The following PLCL1 variants were observed in gnomAD, a reference collection of about 807,000 sequenced individuals.
PLCL1 encodes the protein phospholipase C like 1 (inactive).
Under a neutral mutation model 84.4 loss-of-function variants are expected in PLCL1, and 41 were observed. The observed-to-expected ratio is 0.49, with a 90% CI of 0.38 to 0.63. The LOEUF is 0.63. PLCL1 is among the 30% of genes least tolerant of loss of function. The pLI, the probability that PLCL1 is intolerant of heterozygous loss-of-function variation, is 0.00. For missense variants in PLCL1, 1,206 were observed against 1,367.8 expected (o/e 0.88, Z 1.87); for synonymous variants, 490 against 488.3 (o/e 1.00, Z -0.05).
chr2:197,939,412 C>CCA lies in PLCL1; in HGVS notation c.240+134076_240+134077dup, dbSNP rs1689112681. ...TTTCCATGGCTGCCATAACAAAGTA[C>CCA]CACAGTCTGGGTGACTTAAACGACA... On this transcript the variant is annotated intron_variant, in intron 1 of 5. Transcript: ENST00000428675. Among the ~76,000 whole-genome samples the CCA allele has an allele frequency of 3.9e-5, 6 of 152,292 alleles. No homozygotes were observed. In the South Asian group the frequency reaches 1.2e-3, roughly 32 times the overall value.
At chr2:197,836,227 C>T (rs1691184071) in intron 1 of PLCL1, among the ~76,000 whole-genome samples, 1 of 151,852 alleles carries the variant, frequency 6.6e-6, no homozygotes, top group Non-Finnish European at 1.5e-5. Flanking sequence ...GGGCGGATCA[C>T]GAGGTCAGGA....
intron 1 of PLCL1, among the ~76,000 whole-genome samples, chr2:198,057,246 G>A (rs973990972): frequency 1.3e-5 from 2 of 152,082 alleles, no homozygotes; most frequent in African/African-American, 4.8e-5. Context: ...TAATGGAGAG[G>A]TTCATAATGA....
At chr2:197,986,436 C>T (rs1690218977) in intron 1 of PLCL1, among the ~76,000 whole-genome samples, 1 of 152,188 alleles carries the variant, frequency 6.6e-6, no homozygotes, top group South Asian at 2.1e-4. Flanking sequence ...ACTGCAGTCT[C>T]AGACTCCTGT....
intron 1 of PLCL1, among the ~76,000 whole-genome samples, chr2:197,980,521 C>G (rs1690081571): frequency 6.6e-6 from 1 of 152,146 alleles, no homozygotes; most frequent in African/African-American, 2.4e-5. Flanking sequence ...CTGCTTTGCA[C>G]ATAAAAATTT....
At position 198,084,231 on chromosome 2, in the gene PLCL1, A is replaced by G. The variant is rs1049142893; in HGVS notation, c.714A>G (p.Thr238=). ...PLDFMEGNQN[T]PRFMWLKTVF... Reference sequence around the variant, plus strand: ...ATTTTATGGAGGGCAACCAGAACACACCACGGTTCATGTGGTTGAAAACAG... The same window carrying G: ...ATTTTATGGAGGGCAACCAGAACACGCCACGGTTCATGTGGTTGAAAACAG... The change falls in exon 2 of 6, where the codon ACA becomes ACG. Residue 238 remains threonine, a synonymous_variant. Coordinates refer to ENST00000428675, the MANE Select transcript of PLCL1 (RefSeq NM_006226.4). 34 of 1,614,026 alleles carry G rather than the reference A, an allele frequency of 2.1e-5. No individual in the cohort carries two copies. Among genetic ancestry groups the G allele is most frequent in the Non-Finnish European group, 2.7e-5 (32 of 1,180,010 alleles).
At chr2:198,105,569 G>A (rs1196592449) in intron 5 of PLCL1, among the ~76,000 whole-genome samples, 1 of 150,276 alleles carries the variant, frequency 6.7e-6, no homozygotes, top group Non-Finnish European at 1.5e-5. Context: ...GGTGCAGGCA[G>A]GGTACAGCCC....
intron 1 of PLCL1, among the ~76,000 whole-genome samples, chr2:198,076,842 T>G (rs998880388): frequency 3.9e-5 from 6 of 152,196 alleles, no homozygotes; most frequent in African/African-American, 1.4e-4. Context: ...GATACAGTGA[T>G]GATCCCATCT....
At chr2:197,907,265 G>A (rs775422773) in intron 1 of PLCL1, among the ~76,000 whole-genome samples, 2 of 151,034 alleles carry the variant, frequency 1.3e-5, no homozygotes, top group African/African-American at 2.4e-5. Context: ...TTTTGACAGT[G>A]TCTTGCTCTG....
chr2:197,956,198 A>G (rs1022187678), intron 1 of PLCL1, among the ~76,000 whole-genome samples: 1 of 152,088 alleles, frequency 6.6e-6, no homozygotes, highest in Non-Finnish European at 1.5e-5. Context: ...TATGTGCCAC[A>G]TGTTCTTTAT....
intron 1 of PLCL1, among the ~76,000 whole-genome samples, chr2:197,967,549 A>C (rs1689769871): frequency 6.6e-6 from 1 of 152,216 alleles, no homozygotes; most frequent in African/African-American, 2.4e-5. Flanking sequence ...AAGTAGGAAC[A>C]CTGCTTTCCA....
At chr2:197,990,575 A>AG (rs1690321690) in intron 1 of PLCL1, among the ~76,000 whole-genome samples, 1 of 152,190 alleles carries the variant, frequency 6.6e-6, no homozygotes, top group African/African-American at 2.4e-5. Flanking sequence ...GAGAGTGTTC[A>AG]GGGGAACTGC....
intron 1 of PLCL1, among the ~76,000 whole-genome samples, chr2:197,877,315 G>C (rs1342990487): frequency 6.6e-6 from 1 of 152,012 alleles, no homozygotes; most frequent in African/African-American, 2.4e-5. Context: ...GAAAGTTCAA[G>C]TGGGAGACAG....
At chr2:197,829,684 C>A (rs760435214) in intron 1 of PLCL1, among the ~76,000 whole-genome samples, 35 of 152,046 alleles carry the variant, frequency 2.3e-4, no homozygotes, top group Non-Finnish European at 4.6e-4. Context: ...CTTGTTAAGG[C>A]TGAATTACTG....
At position 197,840,509 on chromosome 2, in the gene PLCL1, A is replaced by G. The variant is rs148192006; in HGVS notation, c.240+35170A>G. ...TTCATCATCAGAAGCTCACCCTTTC[A>G]AGCTACTTCGCTTTGTGTGTTGTGG... On this transcript the variant is annotated intron_variant, in intron 1 of 5. Transcript: ENST00000428675. Among the ~76,000 whole-genome samples, 795 of 152,166 alleles carry G rather than the reference A, an allele frequency of 5.2e-3. 7 individuals are homozygous for G. The highest frequency in any genetic ancestry group is 0.018 in the African/African-American group (734 of 41,526).
intron 1 of PLCL1, among the ~76,000 whole-genome samples, chr2:197,832,212 A>G (rs920015626): frequency 6.6e-6 from 1 of 152,208 alleles, no homozygotes; most frequent in Non-Finnish European, 1.5e-5. Context: ...CAATGAATCC[A>G]AGAACTGTTT....
intron 1 of PLCL1, among the ~76,000 whole-genome samples, chr2:198,015,654 A>T (rs976179): frequency 0.47 from 71,989 of 151,964 alleles, 17,433 homozygotes; most frequent in Middle Eastern, 0.63. Context: ...CTTACACTCT[A>T]ATGAGAGAGA....
At chr2:197,854,505 T>G (rs1330261808) in intron 1 of PLCL1, among the ~76,000 whole-genome samples, 2 of 152,148 alleles carry the variant, frequency 1.3e-5, no homozygotes, top group Non-Finnish European at 2.9e-5. Context: ...TTCAAATGAG[T>G]TTTTATTAAG....
intron 1 of PLCL1, among the ~76,000 whole-genome samples, chr2:197,993,162 A>G (rs771858907): frequency 4.6e-5 from 7 of 152,034 alleles, no homozygotes; most frequent in Non-Finnish European, 1.0e-4. Flanking sequence ...CAACACTTGT[A>G]CTTTTCTGTT....
chr2:198,027,563 C>T (rs1691300924), intron 1 of PLCL1, among the ~76,000 whole-genome samples: 1 of 151,968 alleles, frequency 6.6e-6, no homozygotes, highest in Non-Finnish European at 1.5e-5. Flanking sequence ...TCAATTCAGC[C>T]ATTTCACAAT....
Sources: allele counts gnomAD v4.1 joint callset (sites outside exome capture counted in the v4.1 genomes callset), GRCh38; gene constraint gnomAD v4.1.1; transcripts MANE v1.5; gene names NCBI Gene and HGNC (gene_info 2026-07-23, HGNC 2026-07-21).